COTL1: variants seen among roughly 807,000 people sequenced by gnomAD.
COTL1 encodes coactosin-like protein.
COTL1 carries 15 observed loss-of-function variants against 16.5 expected under a neutral mutation model. The observed-to-expected ratio is 0.91, with a 90% confidence interval of 0.61 to 1.40. COTL1 has a LOEUF of 1.40. Ranked by LOEUF, COTL1 falls within the 40% of genes most tolerant of loss-of-function variation. The pLI, the probability that COTL1 is intolerant of heterozygous loss-of-function variation, is 0.00. For missense variants in COTL1, 220 were observed against 201.5 expected (o/e 1.09, Z -0.56); for synonymous variants, 112 against 85.3 (o/e 1.31, Z -1.73).
chr16:84,595,154 G>T (rs1197602022), intron 2 of COTL1: 1 of 152,334 alleles, frequency 6.6e-6, no homozygotes, highest in African/African-American at 2.4e-5. Flanking sequence ...CAACCCCAAG[G>T]ACACTGGGAA....
At chr16:84,601,440 T>A (rs1905104157) in intron 2 of COTL1, among the ~76,000 whole-genome samples, 1 of 150,624 alleles carries the variant, frequency 6.6e-6, no homozygotes, top group South Asian at 2.1e-4. Context: ...GCAGAGGAGG[T>A]GATGTTTGAT....
intron 3 of COTL1, among the ~76,000 whole-genome samples, chr16:84,574,596 T>C (rs1045652561): frequency 6.6e-6 from 1 of 152,178 alleles, no homozygotes; most frequent in Non-Finnish European, 1.5e-5. Context: ...TTTGTTTTTG[T>C]TTTTTCTGAG....
intron 2 of COTL1, among the ~76,000 whole-genome samples, chr16:84,599,524 G>A (rs1163847285): frequency 1.3e-5 from 2 of 152,176 alleles, no homozygotes; most frequent in African/African-American, 4.8e-5. Flanking sequence ...TATGGCCCCA[G>A]CACTGATCAC....
chr16:84,614,118 A>G (rs187585256), intron 2 of COTL1, among the ~76,000 whole-genome samples: 82 of 152,338 alleles, frequency 5.4e-4, no homozygotes, highest in African/African-American at 1.8e-3. Context: ...CTTCCCCTGG[A>G]GTTTCCAGGC....
chr16:84,597,025 T>G (rs996014517), intron 2 of COTL1, among the ~76,000 whole-genome samples: 1 of 152,222 alleles, frequency 6.6e-6, no homozygotes, highest in African/African-American at 2.4e-5. Context: ...AGGGGCCGCA[T>G]CCCAGCCGGC....
chr16:84,599,434 G>T (rs1905069489), intron 2 of COTL1, among the ~76,000 whole-genome samples: 1 of 152,166 alleles, frequency 6.6e-6, no homozygotes, highest in South Asian at 2.1e-4. Context: ...AGAAATTAAG[G>T]ATCCCCCACC....
Position 84,566,842 on chromosome 16 carries a change from G to T in COTL1, c.*3C>A. ...GCAAGGGGTGGTGTGGCGGGGGCTGGGGTTACTCCGTCTGGGCGTCGTAAT... is the reference window on the plus strand; with the variant it reads ...GCAAGGGGTGGTGTGGCGGGGGCTGTGGTTACTCCGTCTGGGCGTCGTAAT... On this transcript the variant is annotated 3_prime_UTR_variant, in exon 4 of 4. Transcript: ENST00000262428. 1 of 1,603,116 alleles carries T rather than the reference G, an allele frequency of 6.2e-7. No individual in the cohort carries two copies. Among genetic ancestry groups the T allele is most frequent in the Non-Finnish European group, 8.5e-7 (1 of 1,171,586 alleles).
intron 2 of COTL1, among the ~76,000 whole-genome samples, chr16:84,593,845 C>G (rs143097277): frequency 6.6e-6 from 1 of 152,212 alleles, no homozygotes; most frequent in African/African-American, 2.4e-5. Flanking sequence ...TAAGGACACT[C>G]ACAATGTTGT....
At chr16:84,571,302 C>T (rs1001923549) in intron 3 of COTL1, among the ~76,000 whole-genome samples, 8 of 152,174 alleles carry the variant, frequency 5.3e-5, no homozygotes, top group Non-Finnish European at 1.0e-4. Context: ...AAGGGATGGA[C>T]GGAGGACACT....
intron 3 of COTL1, among the ~76,000 whole-genome samples, chr16:84,587,030 C>T (rs963274816): frequency 7.9e-5 from 12 of 152,204 alleles, no homozygotes; most frequent in African/African-American, 1.4e-4. Context: ...GGGCCAAGCA[C>T]GGCGGGCGGA....
Position 84,590,264 on chromosome 16 carries a change from T to C in COTL1, c.161-2A>G. ...CGAAGGCAAACAACCGGACGTCATC[T>C]GTGGCCAAAAGCGAAAAGAGAACAT... On this transcript the variant is annotated splice_acceptor_variant, in intron 2 of 3. Transcript: ENST00000262428. LOFTEE classifies it high-confidence loss of function. The surrounding 1 kb of genome is among the most constrained non-coding windows in gnomAD (Gnocchi z 5.5). The C allele has an allele frequency of 5.0e-6, 8 of 1,613,574 alleles. No homozygotes were observed. Among genetic ancestry groups the C allele is most frequent in the Non-Finnish European group, 6.8e-6 (8 of 1,179,558 alleles).
At position 84,566,553 on chromosome 16, in the gene COTL1, G is replaced by C. The variant is rs573143169; in HGVS notation, c.*292C>G. The C allele has an allele frequency of 6.0e-6, 2 of 335,850 alleles. No homozygotes were observed. The highest frequency in any genetic ancestry group is 1.1e-5 in the Non-Finnish European group (2 of 180,922). The allele number at this position is 335,850 out of a possible 1,614,324, so 20.8% of individuals were successfully genotyped here. A position where few individuals can be genotyped will look rare whatever the true frequency, so the allele number is the denominator to read the frequency against. ...TCACTGCAGGAGGCACCTCGGATCT[G>C]ATGGCAGGCAGGACCTTGCATCAAA... On this transcript the variant is annotated 3_prime_UTR_variant, in exon 4 of 4. Coordinates refer to ENST00000262428, the MANE Select transcript of COTL1 (RefSeq NM_021149.5).
chr16:84,592,884 G>A lies in COTL1; in HGVS notation c.161-2622C>T, dbSNP rs749412898. Among the ~76,000 whole-genome samples, 8 of 152,324 alleles carry A rather than the reference G, an allele frequency of 5.3e-5. No individual in the cohort carries two copies. The South Asian group carries it at 6.2e-4, about 12-fold the overall frequency. ...GCAGCTCTCAGCAGACCATGAATGC[G>A]TGATCCTAGCTGCAGTCCAGGGTCA... On this transcript the variant is annotated intron_variant, in intron 2 of 3. Transcript: ENST00000262428.
At chr16:84,610,299 T>C (rs1567540855) in intron 2 of COTL1, among the ~76,000 whole-genome samples, 1 of 152,024 alleles carries the variant, frequency 6.6e-6, no homozygotes, top group African/African-American at 2.4e-5. Flanking sequence ...TGAGAAAAAA[T>C]ATTACTTGGC....
At chr16:84,607,367 C>A (rs1405863555) in intron 2 of COTL1, among the ~76,000 whole-genome samples, 1 of 152,080 alleles carries the variant, frequency 6.6e-6, no homozygotes, top group Admixed American at 6.5e-5. Flanking sequence ...GAGCTGAGAG[C>A]CTCGGACACA....
chr16:84,603,929 G>C (rs1905154993), intron 2 of COTL1, among the ~76,000 whole-genome samples: 1 of 150,304 alleles, frequency 6.7e-6, no homozygotes, highest in Admixed American at 6.6e-5. Flanking sequence ...TGCACCCTGG[G>C]CCCTGCCAGC....
chr16:84,598,265 C>A (rs1905045794), intron 2 of COTL1, among the ~76,000 whole-genome samples: 1 of 152,192 alleles, frequency 6.6e-6, no homozygotes, highest in African/African-American at 2.4e-5. Context: ...CGGACCCTTC[C>A]TTCCACTGGT....
chr16:84,575,193 A>C (rs1219535614), intron 3 of COTL1: 1 of 151,264 alleles, frequency 6.6e-6, no homozygotes, highest in African/African-American at 2.4e-5. Context: ...GCCCACCATC[A>C]CACCTGGCTA....
Position 84,617,948 on chromosome 16 carries a change from C to A in COTL1, c.-34G>T, listed in dbSNP as rs902043826. The A allele has an allele frequency of 2.7e-6, 4 of 1,499,070 alleles. No individual in the cohort carries two copies. The highest frequency in any genetic ancestry group is 3.6e-6 in the Non-Finnish European group (4 of 1,120,274). The allele number at this position is 1,499,070 out of a possible 1,614,324, so 92.9% of individuals were successfully genotyped here. A position where few individuals can be genotyped will look rare whatever the true frequency, so the allele number is the denominator to read the frequency against. ...AGCCGCAGCGGGACACTGTCCGGGG[C>A]GGCCGAGCGCGCCCCTGGCCGGCGG... On this transcript the variant is annotated 5_prime_UTR_variant, in exon 1 of 4. Transcript: ENST00000262428.
Sources: gnomAD v4.1 joint callset for allele counts (sites outside exome capture counted in the v4.1 genomes callset) on GRCh38, gnomAD v4.1.1 for gene constraint, Gnocchi (gnomAD v3.1) non-coding constraint, MANE v1.5 for transcripts, NCBI Gene and HGNC (gene_info 2026-07-23, HGNC 2026-07-21) for gene names.